KIF6: variants seen among roughly 807,000 people sequenced by gnomAD.
KIF6 encodes kinesin family member 6.
Under a neutral mutation model 112.7 loss-of-function variants are expected in KIF6, and 106 were observed. The ratio of observed to expected loss-of-function variants is 0.94; its 90% CI spans 0.80 to 1.11. The LOEUF is 1.11. Ranked by LOEUF, KIF6 falls within the 50% of genes least tolerant of loss-of-function variation. The probability of loss-of-function intolerance (pLI) is 0.00; values close to 1 mark genes in which losing one functional copy is unlikely to be tolerated. For missense variants in KIF6, 929 were observed against 964.0 expected (o/e 0.96, Z 0.48); for synonymous variants, 339 against 339.9 (o/e 1.00, Z 0.03).
intron 18 of KIF6, among the ~76,000 whole-genome samples, chr6:39,359,252 C>T (rs181630157): frequency 6.8e-4 from 104 of 152,262 alleles, no homozygotes; most frequent in Non-Finnish European, 1.1e-3. Flanking sequence ...TTTAGCACTT[C>T]CGCTGTGCCA....
At chr6:39,608,222 C>G (rs1267755960) in intron 6 of KIF6, among the ~76,000 whole-genome samples, 1 of 152,170 alleles carries the variant, frequency 6.6e-6, no homozygotes, top group African/African-American at 2.4e-5. Flanking sequence ...AGTACACATG[C>G]TCCACGGTTT....
chr6:39,481,999 C>G (rs973449145), intron 13 of KIF6, among the ~76,000 whole-genome samples: 10 of 144,628 alleles, frequency 6.9e-5, no homozygotes, highest in African/African-American at 2.7e-4. Flanking sequence ...GACAACGGGA[C>G]CTTTAGGCAC....
At position 39,331,078 on chromosome 6, in the gene KIF6, C is replaced by A; in HGVS notation, c.*5454G>T. On this transcript the variant is annotated 3_prime_UTR_variant, in exon 23 of 23. Coordinates refer to ENST00000287152, the MANE Select transcript of KIF6 (RefSeq NM_145027.6). The stretch of plus-strand genomic sequence containing the variant: ...ACCTGCCATCATTGTCCTAAGCTTC[C>A]CTTCCCTGCTTCTCTCTTTGCACCT... 6.5e-6 allele frequency: 1 copy of A among 152,782 alleles called. No homozygotes were observed. Among genetic ancestry groups the A allele is most frequent in the Non-Finnish European group, 1.5e-5 (1 of 68,252 alleles). 9.5% of individuals were successfully genotyped at this position (152,782 alleles called of 1,614,324 possible).
intron 13 of KIF6, among the ~76,000 whole-genome samples, chr6:39,479,092 C>T (rs1774632561): frequency 6.6e-6 from 1 of 152,128 alleles, no homozygotes; most frequent in African/African-American, 2.4e-5. Context: ...TATGCAGAAG[C>T]TCTTTAGTTT....
chr6:39,369,232 C>T (rs563607484), intron 16 of KIF6, among the ~76,000 whole-genome samples: 12 of 152,248 alleles, frequency 7.9e-5, no homozygotes, highest in South Asian at 2.1e-4. Flanking sequence ...CGTCACATGC[C>T]GACGGGTGCT....
At chr6:39,584,417 TAAAAAAAAAAAAAA>T (rs61215070) in intron 9 of KIF6, among the ~76,000 whole-genome samples, 2,080 of 46,032 alleles carry the variant, frequency 0.045, 89 homozygotes, top group Non-Finnish European at 0.1. Flanking sequence ...ACTCTGTCTC[TAAAAAAAAAAAAAA>T]AAAAAAAAAA....
At position 39,331,034 on chromosome 6, in the gene KIF6, TCCCATCA is replaced by T. The variant is rs1762718782; in HGVS notation, c.*5491_*5497del. ...GCCAAGCTCCACGTCCTTTGCCTCT[TCCCATCA>T]CCCAATACCCAACCTGCCATCATTG... On this transcript the variant is annotated 3_prime_UTR_variant, in exon 23 of 23. Transcript: ENST00000287152. 2.0e-5 allele frequency: 3 copies of T among 152,408 alleles called. No homozygotes were observed. The South Asian group carries it at 6.2e-4, about 32-fold the overall frequency. The allele number at this position is 152,408 out of a possible 1,614,324, so 9.4% of individuals were successfully genotyped here.
chr6:39,385,567 T>A, intron 16 of KIF6, 55 bp downstream of exon 16: 1 of 1,418,190 alleles, frequency 7.1e-7, no homozygotes, highest in Non-Finnish European at 1.0e-6. Flanking sequence ...ATTCCTAAAA[T>A]CAGGTCAGTT....
intron 3 of KIF6, among the ~76,000 whole-genome samples, chr6:39,693,036 A>T (rs1203785340): frequency 2.6e-5 from 4 of 152,204 alleles, no homozygotes; most frequent in Non-Finnish European, 5.9e-5. Flanking sequence ...AAAGGGCATG[A>T]CTCAGTAGTG....
At chr6:39,548,840 A>AT (rs1032833480) in intron 10 of KIF6, among the ~76,000 whole-genome samples, 7 of 152,184 alleles carry the variant, frequency 4.6e-5, no homozygotes, top group African/African-American at 1.7e-4. Context: ...AATAAAGTCT[A>AT]TTTTTTAGGA....
intron 3 of KIF6, among the ~76,000 whole-genome samples, chr6:39,697,910 T>G (rs1007543710): frequency 6.6e-6 from 1 of 152,160 alleles, no homozygotes; most frequent in African/African-American, 2.4e-5. Context: ...TAAAACAGAT[T>G]GGGAAACTAC....
Position 39,335,388 on chromosome 6 carries a change from T to C in KIF6, c.*1144A>G, listed in dbSNP as rs1762877648. 6.6e-6 allele frequency: 1 copy of C among 152,156 alleles called. No individual in the cohort carries two copies. Among genetic ancestry groups the C allele is most frequent in the South Asian group, 2.1e-4 (1 of 4,824 alleles). The allele number at this position is 152,156 out of a possible 1,614,324, so 9.4% of individuals were successfully genotyped here. On this transcript the variant is annotated 3_prime_UTR_variant, in exon 23 of 23. Transcript: ENST00000287152. ...GATGGGCCTGCCTAGCTTAGAAATG[T>C]AATGGTTTAATCTTCTCCTGCATGA... is the stretch of plus-strand genomic sequence containing the variant.
intron 3 of KIF6, among the ~76,000 whole-genome samples, chr6:39,696,036 C>G (rs549611116): frequency 6.6e-5 from 10 of 152,248 alleles, no homozygotes; most frequent in African/African-American, 2.2e-4. Context: ...AACAGAAAAT[C>G]AAATGCCACA....
chr6:39,647,072 G>T (rs1271937057), intron 3 of KIF6, among the ~76,000 whole-genome samples: 1 of 152,168 alleles, frequency 6.6e-6, no homozygotes, highest in East Asian at 1.9e-4. Context: ...AAATTTTAGA[G>T]ATTTCAACCA....
intron 5 of KIF6, among the ~76,000 whole-genome samples, chr6:39,616,590 C>G (rs1407759581): frequency 3.9e-5 from 6 of 152,156 alleles, no homozygotes; most frequent in Non-Finnish European, 8.8e-5. Flanking sequence ...TCTCTTCTTG[C>G]CAGTTTTCAG....
At chr6:39,722,955 T>A (rs888416330) in intron 1 of KIF6, among the ~76,000 whole-genome samples, 2 of 152,150 alleles carry the variant, frequency 1.3e-5, no homozygotes, top group African/African-American at 4.8e-5. Flanking sequence ...GAAAGTTCAG[T>A]ATTAAATCCA....
chr6:39,415,611 A>C (rs546770061), intron 15 of KIF6, among the ~76,000 whole-genome samples: 1 of 152,360 alleles, frequency 6.6e-6, no homozygotes, highest in Non-Finnish European at 1.5e-5. Flanking sequence ...TAATCTAGCA[A>C]AACAGCCTGG....
At chr6:39,495,440 T>C (rs1775728922) in intron 13 of KIF6, among the ~76,000 whole-genome samples, 3 of 152,314 alleles carry the variant, frequency 2.0e-5, no homozygotes, top group African/African-American at 7.2e-5. Flanking sequence ...TAGCTTGAGA[T>C]ATCAGCTCCC....
intron 6 of KIF6, among the ~76,000 whole-genome samples, chr6:39,600,522 G>C (rs1301453480): frequency 6.6e-6 from 1 of 152,180 alleles, no homozygotes; most frequent in Non-Finnish European, 1.5e-5. Flanking sequence ...CAATGAACAT[G>C]CTGATCCTCT....
Sources: allele counts gnomAD v4.1 joint callset (sites outside exome capture counted in the v4.1 genomes callset), GRCh38; gene constraint gnomAD v4.1.1; transcripts MANE v1.5; gene names NCBI Gene and HGNC (gene_info 2026-07-23, HGNC 2026-07-21).